SCUBE3: variants seen among roughly 807,000 people sequenced by gnomAD.
SCUBE3 encodes signal peptide, CUB domain and EGF like domain containing 3.
In SCUBE3, 33 loss-of-function variants were observed where a neutral mutation model predicts 116.8. The ratio of observed to expected loss-of-function variants is 0.28; its 90% CI spans 0.21 to 0.38. The LOEUF (loss-of-function observed/expected upper bound fraction) is 0.38. Among genes scored for constraint, SCUBE3 ranks in the 10% least tolerant of loss-of-function variants. SCUBE3 has a pLI of 1.00. For synonymous variants in SCUBE3, 418 were observed against 496.9 expected (o/e 0.84, Z 2.11); for missense variants, 1,007 against 1,324.8 (o/e 0.76, Z 3.72).
Position 35,239,774 on chromosome 6 carries a change from C to A in SCUBE3, c.852C>A (p.Asn284Lys), listed in dbSNP as rs1392241073. ...TCKDIDECRL[N>K]NGGCDHICRN... ...CAGATATAGATGAGTGCCGCTTAAA[C>A]AACGGGGGCTGTGACCATATTTGCC... Residue 284 changes from asparagine to lysine, a missense_variant, in exon 8 of 22, where the codon AAC becomes AAA. By Grantham distance (94) the Asn-to-Lys change is moderately conservative. This residue lies in a region of SCUBE3 where 214 missense variants were observed against 316.7 expected (regional missense o/e 0.68). Coordinates refer to ENST00000274938, the MANE Select transcript of SCUBE3 (RefSeq NM_152753.4). This position sits in a 1 kb window ranked among gnomAD's most constrained non-coding sequence, Gnocchi z 4.1. The A allele has an allele frequency of 6.2e-7, 1 of 1,612,304 alleles. No homozygotes were observed. The highest frequency in any genetic ancestry group is 8.5e-7 in the Non-Finnish European group (1 of 1,179,368).
chr6:35,242,719 CAA>C lies in SCUBE3; in HGVS notation c.1634_1635del (p.Lys545ArgfsTer59). 1 of 1,614,102 alleles carries C rather than the reference CAA, an allele frequency of 6.2e-7. No homozygotes were observed. The highest frequency in any genetic ancestry group is 8.5e-7 in the Non-Finnish European group (1 of 1,179,972). ...KGRRARTPPGKEVTRLTLELE... is the reference protein window; with the variant it reads ...KGRRARTPPGXEVTRLTLELE... ...GCCGACGGGCCCGGACCCCTCCAGG[CAA>C]AGAGGTCACAAGGCTCACCCTGGAA... On this transcript the variant is annotated frameshift_variant, in exon 14 of 22. Transcript: ENST00000274938. LOFTEE classifies it high-confidence loss of function.
At chr6:35,238,959 T>C (rs1161132955) in intron 7 of SCUBE3, among the ~76,000 whole-genome samples, 3 of 152,130 alleles carry the variant, frequency 2.0e-5, no homozygotes, top group Non-Finnish European at 1.5e-5. Flanking sequence ...GGAAGAACTG[T>C]TGACAGGTAT....
intron 13 of SCUBE3, 33 bp from the exon 14 acceptor site, chr6:35,242,589 A>T (rs368282595): frequency 2.5e-6 from 4 of 1,586,258 alleles, no homozygotes; most frequent in Non-Finnish European, 2.6e-6. Context: ...TTTCCAGGGG[A>T]TGTCCCTGGG....
At position 35,235,425 on chromosome 6, in the gene SCUBE3, C is replaced by T. The variant is rs1293958187; in HGVS notation, c.712+2124C>T. The T allele has an allele frequency of 9.5e-6, 12 of 1,262,648 alleles. No homozygotes were observed. The highest frequency in any genetic ancestry group is 2.3e-5 in the Admixed American group (1 of 43,500). The allele number at this position is 1,262,648 out of a possible 1,614,324, so 78.2% of individuals were successfully genotyped here. On this transcript the variant is annotated intron_variant, in intron 6 of 21. Coordinates refer to ENST00000274938, the MANE Select transcript of SCUBE3 (RefSeq NM_152753.4). The surrounding 1 kb of genome is among the most constrained non-coding windows in gnomAD (Gnocchi z 4.5). Reference sequence around the variant, plus strand: ...TGGCTTCTGCCCAGCACCTAAACAGCTTTTTTACAATGTCAAACAGGGGAA... The same window carrying T: ...TGGCTTCTGCCCAGCACCTAAACAGTTTTTTTACAATGTCAAACAGGGGAA...
Position 35,242,234 on chromosome 6 carries a change from C to T in SCUBE3, c.1448C>T (p.Ala483Val). ...GCAGTGCTGTCCATTAAACAACGGG[C>T]CTCCTTCAAGATCAAGGATGCCAAA... ...EAAVLSIKQRASFKIKDAKCR... is the reference protein window; with the variant it reads ...EAAVLSIKQRVSFKIKDAKCR... Residue 483 changes from alanine (A) to valine (V), a missense_variant, in exon 13 of 22, where the codon GCC (alanine) becomes GTC (valine). Ala to Val is a moderately conservative substitution (Grantham distance 64). Coordinates refer to ENST00000274938, the MANE Select transcript of SCUBE3 (RefSeq NM_152753.4). 7 of 1,613,830 alleles carry T rather than the reference C, an allele frequency of 4.3e-6. No homozygotes were observed. Among genetic ancestry groups the T allele is most frequent in the Middle Eastern group, 3.3e-4 (2 of 6,056 alleles).
chr6:35,218,252 G>T, intron 1 of SCUBE3: 1 of 507,804 alleles, frequency 2.0e-6, no homozygotes, highest in African/African-American at 2.1e-5. Flanking sequence ...GTGTGTGCAT[G>T]ACTCAGGGTG....
At chr6:35,225,929 G>A (rs978203180) in intron 1 of SCUBE3, among the ~76,000 whole-genome samples, 4 of 152,180 alleles carry the variant, frequency 2.6e-5, no homozygotes, top group African/African-American at 9.7e-5. Context: ...TTGTCTTGGT[G>A]TCAAATCTCA....
chr6:35,234,815 A>C (rs1783692120), intron 6 of SCUBE3, among the ~76,000 whole-genome samples: 1 of 152,118 alleles, frequency 6.6e-6, no homozygotes. Context: ...AAACACCCTT[A>C]CTGAGCTTGG....
intron 1 of SCUBE3, among the ~76,000 whole-genome samples, chr6:35,225,657 G>C (rs1056270619): frequency 1.3e-5 from 2 of 152,210 alleles, no homozygotes; most frequent in Admixed American, 1.3e-4. Flanking sequence ...TGTGAGATTT[G>C]AGGCAGGGTG....
At chr6:35,234,984 C>T (rs748183248) in intron 6 of SCUBE3, among the ~76,000 whole-genome samples, 1 of 152,204 alleles carries the variant, frequency 6.6e-6, no homozygotes, top group Non-Finnish European at 1.5e-5. Flanking sequence ...ACTTATTTTA[C>T]CTTGCCATAT....
intron 1 of SCUBE3, chr6:35,218,155 A>C: frequency 1.0e-6 from 1 of 985,236 alleles, no homozygotes; most frequent in East Asian, 1.1e-4. Context: ...CCGGTTTGAG[A>C]TGTGAGCAGC....
In SCUBE3 at chr6:35,240,630, T is replaced by C. The variant is rs1429265162; in HGVS notation, c.1069+140T>C. On this transcript the variant is annotated intron_variant, in intron 9 of 21. Transcript: ENST00000274938. The surrounding 1 kb of genome is among the most constrained non-coding windows in gnomAD (Gnocchi z 4.6). Reference sequence around the variant, plus strand: ...CATGTCTGCATCCGCTGTGACAAAATAGGAGGAATTAAGACAGCTTTTGAA... The same window carrying C: ...CATGTCTGCATCCGCTGTGACAAAACAGGAGGAATTAAGACAGCTTTTGAA... 9.3e-6 allele frequency: 5 copies of C among 535,018 alleles called. No individual in the cohort carries two copies. The highest frequency in any genetic ancestry group is 1.7e-5 in the Non-Finnish European group (5 of 299,444). The allele number at this position is 535,018 out of a possible 1,614,324, so 33.1% of individuals were successfully genotyped here.
Position 35,244,737 on chromosome 6 carries a change from A to G in SCUBE3, c.2327A>G (p.Gln776Arg), listed in dbSNP as rs1416276744. 20 of 1,614,130 alleles carry G rather than the reference A, an allele frequency of 1.2e-5. No individual in the cohort carries two copies. Among genetic ancestry groups the G allele is most frequent in the Non-Finnish European group, 1.6e-5 (19 of 1,180,050 alleles). ...AMGSYQPDFR[Q>R]NFCSRCPGNT... ...GGCTCCTATCAGCCCGACTTCCGTC[A>G]GAACTTCTGCAGCCGCTGTCCAGGA... Residue 776 changes from glutamine to arginine, a missense_variant, in exon 18 of 22, where the codon CAG becomes CGG. Transcript: ENST00000274938. This position sits in a 1 kb window ranked among gnomAD's most constrained non-coding sequence, Gnocchi z 4.3.
intron 1 of SCUBE3, among the ~76,000 whole-genome samples, chr6:35,225,517 C>A (rs976280743): frequency 6.6e-6 from 1 of 152,210 alleles, no homozygotes; most frequent in East Asian, 1.9e-4. Context: ...AGCAGGTAGA[C>A]ACCATGCCTA....
At position 35,214,169 on chromosome 6, in the gene SCUBE3, G is replaced by GC. The variant is rs533150040; in HGVS notation, c.-246dup. The stretch of plus-strand genomic sequence containing the variant: ...GGGCGGGGGTTCCCCTCCGTCAGTC[G>GC]CCCCTGGCGCCCCTCGCCTCGTCGC... On this transcript the variant is annotated 5_prime_UTR_variant, in exon 1 of 22. Transcript: ENST00000274938. The surrounding 1 kb of genome is among the most constrained non-coding windows in gnomAD (Gnocchi z 6.3). Among the ~76,000 whole-genome samples the GC allele has an allele frequency of 1.3e-4, 20 of 152,254 alleles. No individual in the cohort carries two copies. In the South Asian group the frequency reaches 2.7e-3, roughly 20 times the overall value.
At position 35,241,532 on chromosome 6, in the gene SCUBE3, C is replaced by T; in HGVS notation, c.1196-11C>T. 1 of 1,591,490 alleles carries T rather than the reference C, an allele frequency of 6.3e-7. No individual in the cohort carries two copies. Among genetic ancestry groups the T allele is most frequent in the South Asian group, 1.1e-5 (1 of 90,628 alleles). On this transcript the variant is annotated splice_polypyrimidine_tract_variant and intron_variant, in intron 10 of 21. Transcript: ENST00000274938. The surrounding 1 kb of genome is among the most constrained non-coding windows in gnomAD (Gnocchi z 4.1). ...TGCATTCATTTGCTCAGGCCTCTCT[C>T]CCCTTCCTAGAGCCACTGAAGTGTC...
At chr6:35,225,087 C>T (rs1021184587) in intron 1 of SCUBE3, among the ~76,000 whole-genome samples, 6 of 151,600 alleles carry the variant, frequency 4.0e-5, no homozygotes, top group Non-Finnish European at 7.4e-5. Context: ...CATACTGTCT[C>T]GAGCATCTAT....
At position 35,249,499 on chromosome 6, in the gene SCUBE3, AAG is replaced by A. The variant is rs1316615892; in HGVS notation, c.*796_*797del. ...AAGGTTTTAAAGCATTGCCAAAAAAAAGAAAACAGAAAGAAAAAATGTATCAT... is the reference window on the plus strand; with the variant it reads ...AAGGTTTTAAAGCATTGCCAAAAAAAAAAACAGAAAGAAAAAATGTATCAT... On this transcript the variant is annotated 3_prime_UTR_variant, in exon 22 of 22. Coordinates refer to ENST00000274938, the MANE Select transcript of SCUBE3 (RefSeq NM_152753.4). 1.3e-5 allele frequency: 2 copies of A among 152,262 alleles called. No homozygotes were observed. The highest frequency in any genetic ancestry group is 2.9e-5 in the Non-Finnish European group (2 of 68,072). The allele number at this position is 152,262 out of a possible 1,614,324, so 9.4% of individuals were successfully genotyped here.
intron 1 of SCUBE3, chr6:35,223,972 T>C (rs1171484726): frequency 6.6e-6 from 1 of 152,210 alleles, no homozygotes; most frequent in African/African-American, 2.4e-5. Context: ...TTTAAAGTAT[T>C]AGCAGAGCAA....
Sources: gnomAD v4.1 joint callset for allele counts (sites outside exome capture counted in the v4.1 genomes callset) on GRCh38, gnomAD v4.1.1 for gene constraint, gnomAD v4.1.1 regional missense constraint, Gnocchi (gnomAD v3.1) non-coding constraint, MANE v1.5 for transcripts, NCBI Gene and HGNC (gene_info 2026-07-23, HGNC 2026-07-21) for gene names.